PRAME: variants seen among roughly 807,000 people sequenced by gnomAD.
The protein encoded by PRAME is melanoma antigen preferentially expressed in tumors.
A neutral mutation model predicts 32.1 loss-of-function variants in PRAME; 21 were observed. The observed-to-expected ratio is 0.65, with a 90% CI of 0.46 to 0.94. PRAME has a LOEUF of 0.94. Ranked by LOEUF, PRAME falls within the 40% of genes least tolerant of loss-of-function variation. PRAME has a pLI of 0.00. For synonymous variants in PRAME, 274 were observed against 251.5 expected (o/e 1.09, Z -0.85); for missense variants, 651 against 622.3 (o/e 1.05, Z -0.49).
At chr22:22,551,211 G>T in intron 3 of PRAME, 122 bp from the exon 4 acceptor site, 1 of 891,620 alleles carries the variant, frequency 1.1e-6, no homozygotes, top group Non-Finnish European at 1.7e-6. Context: ...AACAGCAGGG[G>T]AGTTCTCAGT....
chr22:22,551,148 CT>C (rs2062543981), intron 3 of PRAME, 59 bp from the exon 4 acceptor site: 1 of 1,462,716 alleles, frequency 6.8e-7, no homozygotes, highest in Admixed American at 2.2e-5. Flanking sequence ...GCAACTCTAT[CT>C]TTTCCTCACC....
Position 22,549,763 on chromosome 22 carries a change from AAG to A in PRAME, c.914_915del (p.Ser305PhefsTer5). On this transcript the variant is annotated frameshift_variant, in exon 5 of 6. Coordinates refer to ENST00000405655, the MANE Select transcript of PRAME (RefSeq NM_206956.3). LOFTEE classifies it low-confidence loss of function (END_TRUNC). ...LQCLQALYVD[S>X]LFFLRGRLDQ... Reference sequence around the variant, plus strand: ...TCCAGGCGGCCTCTAAGGAAAAATAAAGAGTCCACATAGAGAGCCTGCAGGCA... The same window carrying A: ...TCCAGGCGGCCTCTAAGGAAAAATAAAGTCCACATAGAGAGCCTGCAGGCA... The A allele has an allele frequency of 1.2e-6, 2 of 1,609,362 alleles. No individual in the cohort carries two copies. The highest frequency in any genetic ancestry group is 1.7e-6 in the Non-Finnish European group (2 of 1,178,702).
intron 3 of PRAME, chr22:22,555,855 T>TG (rs1423051065): frequency 2.1e-6 from 1 of 470,654 alleles, no homozygotes; most frequent in Non-Finnish European, 4.4e-6. Flanking sequence ...CCCAAGCCCA[T>TG]GGGGCAGTGA....
chr22:22,550,395 C>T (rs773677214), intron 4 of PRAME, 61 bp from the exon 5 acceptor site: 1 of 1,556,732 alleles, frequency 6.4e-7, no homozygotes, highest in Non-Finnish European at 8.7e-7. Flanking sequence ...AAAATAAGAC[C>T]ATGAGTCTCA....
At chr22:22,548,872 C>G (rs1024373) in intron 5 of PRAME, among the ~76,000 whole-genome samples, 134,006 of 151,820 alleles carry the variant, frequency 0.88, 59,325 homozygotes, top group East Asian at 0.95. Context: ...TCCCTTGGCT[C>G]ATCTGTGAGG....
intron 2 of PRAME, 161 bp from the exon 3 acceptor site, chr22:22,557,070 C>T (rs1188779169): frequency 3.9e-5 from 23 of 591,798 alleles, no homozygotes; most frequent in Non-Finnish European, 6.0e-5. Flanking sequence ...CAAACCTGAG[C>T]ACCAGTGTTT....
chr22:22,552,726 C>T (rs2062663602), intron 3 of PRAME: 1 of 358,700 alleles, frequency 2.8e-6, no homozygotes, highest in African/African-American at 2.1e-5. Flanking sequence ...ACCATCTAAG[C>T]AGCATTGGCC....
Position 22,557,012 on chromosome 22 carries a change from T to C in PRAME, c.-77-103A>G, listed in dbSNP as rs917025528. On this transcript the variant is annotated intron_variant, in intron 2 of 5. Coordinates refer to ENST00000405655, the MANE Select transcript of PRAME (RefSeq NM_206956.3). ...CCTCCGCAAATACTGCTGAGGAAAC[T>C]GACAACTGGCGACTCAATCCCGCCC... The C allele has an allele frequency of 6.9e-6, 5 of 721,164 alleles. No homozygotes were observed. In the East Asian group the frequency reaches 1.1e-4, roughly 16 times the overall value. 44.7% of individuals were successfully genotyped at this position (721,164 alleles called of 1,614,324 possible).
chr22:22,548,322 A>G lies in PRAME; in HGVS notation c.1275T>C (p.Ser425=). The change falls in exon 6 of 6, where the codon AGT becomes AGC. Residue 425 remains serine (S), a synonymous_variant. Transcript: ENST00000405655. ...GNSISISALQ[S]LLQHLIGLSN... is the part of the protein sequence containing the mutation. ...TCAGCCCGATGAGGTGCTGCAGGAGACTCTGCAGGGCAGATATGGAGATGG... is the reference window on the plus strand; with the variant it reads ...TCAGCCCGATGAGGTGCTGCAGGAGGCTCTGCAGGGCAGATATGGAGATGG... The G allele has an allele frequency of 1.2e-6, 2 of 1,613,582 alleles. No individual in the cohort carries two copies. Among genetic ancestry groups the G allele is most frequent in the East Asian group, 4.5e-5 (2 of 44,768 alleles).
At position 22,551,071 on chromosome 22, in the gene PRAME, A is replaced by G; in HGVS notation, c.40T>C (p.Tyr14His). ...CTTGTCCACACACTCATGCTGATGT[A>G]TCGGCTCTGAATGGAACCCTGAGGA... ...RRLWGSIQSR[Y>H]ISMSVWTSPR... Residue 14 changes from tyrosine to histidine, a missense_variant, in exon 4 of 6, where the codon TAC becomes CAC. Transcript: ENST00000405655. 1 of 1,587,280 alleles carries G rather than the reference A, an allele frequency of 6.3e-7. No individual in the cohort carries two copies. Among genetic ancestry groups the G allele is most frequent in the Non-Finnish European group, 8.6e-7 (1 of 1,163,066 alleles).
chr22:22,550,318 C>T lies in PRAME; in HGVS notation c.361G>A (p.Val121Met), dbSNP rs1400843011. The T allele has an allele frequency of 1.2e-6, 2 of 1,612,386 alleles. No homozygotes were observed. The highest frequency in any genetic ancestry group is 4.5e-5 in the East Asian group (2 of 44,762). Residue 121 changes from valine to methionine, a missense_variant, in exon 5 of 6, where the codon GTG becomes ATG. Coordinates refer to ENST00000405655, the MANE Select transcript of PRAME (RefSeq NM_206956.3). ...EVRPRRWKLQVLDLRKNSHQD... is the reference protein window; with the variant it reads ...EVRPRRWKLQMLDLRKNSHQD... ...TGAGAGTTCTTCCGTAAATCCAGCACTTGAAGTTTCCACCTCCTGTGGGGA... is the reference window on the plus strand; with the variant it reads ...TGAGAGTTCTTCCGTAAATCCAGCATTTGAAGTTTCCACCTCCTGTGGGGA...
intron 1 of PRAME, among the ~76,000 whole-genome samples, chr22:22,558,750 A>G (rs2063152431): frequency 6.6e-6 from 1 of 150,494 alleles, no homozygotes; most frequent in Admixed American, 6.6e-5. Flanking sequence ...CCAAGTCTGG[A>G]CTCTGTCCTG....
chr22:22,558,647 A>T (rs1460866393), intron 1 of PRAME, among the ~76,000 whole-genome samples: 1 of 104,108 alleles, frequency 9.6e-6, no homozygotes, highest in South Asian at 3.3e-4. Flanking sequence ...GCAGGGTGGA[A>T]AAAGGGGGTG....
chr22:22,551,275 A>G (rs561668675), intron 3 of PRAME, among the ~76,000 whole-genome samples, 186 bp from the exon 4 acceptor site: 3 of 152,026 alleles, frequency 2.0e-5, no homozygotes, highest in Admixed American at 2.0e-4. Flanking sequence ...CTCTGCTGGC[A>G]CCAGGATGAA....
At position 22,548,274 on chromosome 22, in the gene PRAME, A is replaced by G; in HGVS notation, c.1323T>C (p.Tyr441=). The change falls in exon 6 of 6, where the codon TAT becomes TAC. Residue 441 remains tyrosine, a synonymous_variant. Transcript: ENST00000405655. ...CCTCATAACTCTCCAGGGGGACAGG[A>G]TACAGCACGTGGGTCAGATTGCTCA... ...IGLSNLTHVL[Y]PVPLESYEDI... is the part of the protein sequence containing the mutation. 1 of 1,613,838 alleles carries G rather than the reference A, an allele frequency of 6.2e-7. No individual in the cohort carries two copies. Among genetic ancestry groups the G allele is most frequent in the Non-Finnish European group, 8.5e-7 (1 of 1,179,956 alleles).
In PRAME at chr22:22,559,131, C is replaced by T. The variant is rs981683229; in HGVS notation, c.-274G>A. On this transcript the variant is annotated 5_prime_UTR_variant, in exon 1 of 6. Transcript: ENST00000405655. The stretch of plus-strand genomic sequence containing the variant: ...CGAGCCTGCAGAGGACTCCGCCCTG[C>T]TTTCCCTACATTCAGGGCTGCTCCT... The T allele has an allele frequency of 3.6e-5, 8 of 223,348 alleles. No individual in the cohort carries two copies. The highest frequency in any genetic ancestry group is 1.3e-4 in the Admixed American group (2 of 15,520). The allele number at this position is 223,348 out of a possible 1,614,324, so 13.8% of individuals were successfully genotyped here.
chr22:22,549,468 G>GC (rs928058323), intron 5 of PRAME, among the ~76,000 whole-genome samples: 6 of 151,736 alleles, frequency 4.0e-5, no homozygotes, highest in Admixed American at 1.3e-4. Flanking sequence ...CCCTTGCCAG[G>GC]CCCCAACCTC....
intron 1 of PRAME, among the ~76,000 whole-genome samples, chr22:22,558,519 G>A (rs1290540145): frequency 1.0e-5 from 1 of 96,898 alleles, no homozygotes; most frequent in Admixed American, 1.1e-4. Flanking sequence ...GGGAAAAGAG[G>A]CAGAGAGTGG....
chr22:22,558,497 TGGGGAG>T (rs1471289487), intron 1 of PRAME, among the ~76,000 whole-genome samples: 1 of 58,742 alleles, frequency 1.7e-5, no homozygotes, highest in Non-Finnish European at 3.1e-5. Context: ...AACAAAGGGT[TGGGGAG>T]GGGGAGGGAA....
Sources: allele counts gnomAD v4.1 joint callset (sites outside exome capture counted in the v4.1 genomes callset), GRCh38; gene constraint gnomAD v4.1.1; transcripts MANE v1.5; gene names NCBI Gene and HGNC (gene_info 2026-07-23, HGNC 2026-07-21).